Variants in CNTNAP2 observed in about 807,000 individuals in gnomAD.
CNTNAP2 encodes contactin associated protein 2, also known as contactin-associated protein-like 2.
In CNTNAP2, 98 loss-of-function variants were observed where a neutral mutation model predicts 155.2. That is an observed-to-expected ratio of 0.63 (90% confidence interval 0.54 to 0.75). The LOEUF (loss-of-function observed/expected upper bound fraction) is 0.75. CNTNAP2 is among the 30% of genes least tolerant of loss of function. The pLI is 0.00. For synonymous variants in CNTNAP2, 651 were observed against 631.2 expected (o/e 1.03, Z -0.47); for missense variants, 1,727 against 1,688.1 (o/e 1.02, Z -0.40).
chr7:147,863,437 A>G (rs1037206251), intron 13 of CNTNAP2, among the ~76,000 whole-genome samples: 3 of 152,168 alleles, frequency 2.0e-5, no homozygotes, highest in Non-Finnish European at 2.9e-5. Context: ...TCCTTTTGGT[A>G]TATACCCAGT....
chr7:148,303,865 A>G (rs1159470216), intron 21 of CNTNAP2, among the ~76,000 whole-genome samples: 1 of 152,206 alleles, frequency 6.6e-6, no homozygotes, highest in African/African-American at 2.4e-5. Context: ...TCAAGATTAC[A>G]TTAGGAAGGA....
rs377627481 is a variant in CNTNAP2 at position 147,485,973 on chromosome 7, C to G, written c.1709C>G (p.Ser570Trp). ...PNHCEHGGKC[S>W]QTWDSFKCTC... ...CACTGTGAGCATGGTGGAAAGTGCT[C>G]GCAAACATGGGACAGCTTCAAATGC... Residue 570 changes from serine (S) to tryptophan (W), a missense_variant, in exon 11 of 24, where the codon TCG becomes TGG. Physicochemically the swap from Ser to Trp is radical, Grantham distance 177 (BLOSUM62 -3). Coordinates refer to ENST00000361727, the MANE Select transcript of CNTNAP2 (RefSeq NM_014141.6). 15 of 1,613,850 alleles carry G rather than the reference C, an allele frequency of 9.3e-6. No homozygotes were observed. The highest frequency in any genetic ancestry group is 1.3e-5 in the African/African-American group (1 of 74,868).
chr7:147,854,342 T>G (rs1799000389), intron 13 of CNTNAP2, among the ~76,000 whole-genome samples: 1 of 152,172 alleles, frequency 6.6e-6, no homozygotes. Context: ...GATTTAGAAG[T>G]TGATCATTCA....
At chr7:148,257,172 C>T (rs1191909037) in intron 20 of CNTNAP2, among the ~76,000 whole-genome samples, 2 of 152,084 alleles carry the variant, frequency 1.3e-5, no homozygotes, top group South Asian at 2.1e-4. Context: ...CTCCATTCTA[C>T]GAAGATGCCC....
At chr7:146,924,920 C>T (rs1796575071) in intron 3 of CNTNAP2, among the ~76,000 whole-genome samples, 1 of 151,954 alleles carries the variant, frequency 6.6e-6, no homozygotes. Flanking sequence ...ATTGTGATTC[C>T]ATACAGGAAT....
chr7:147,432,703 T>C (rs1056347948), intron 10 of CNTNAP2, among the ~76,000 whole-genome samples: 1 of 152,170 alleles, frequency 6.6e-6, no homozygotes, highest in African/African-American at 2.4e-5. Context: ...TGAAATCATA[T>C]GCTCCTCCTG....
chr7:148,093,410 G>T (rs918077600), intron 15 of CNTNAP2, among the ~76,000 whole-genome samples: 2 of 152,064 alleles, frequency 1.3e-5, no homozygotes, highest in Non-Finnish European at 2.9e-5. Flanking sequence ...CTGATATGAC[G>T]ACTATTGTCA....
chr7:147,319,778 T>A (rs1795312252), intron 9 of CNTNAP2, among the ~76,000 whole-genome samples: 1 of 152,186 alleles, frequency 6.6e-6, no homozygotes. Flanking sequence ...ATTAGGATAG[T>A]CTTCAGCTAT....
chr7:147,321,533 C>T (rs949976554), intron 9 of CNTNAP2, among the ~76,000 whole-genome samples: 1 of 152,196 alleles, frequency 6.6e-6, no homozygotes, highest in African/African-American at 2.4e-5. Context: ...TTCTACTTCA[C>T]AGTAGCTTTA....
chr7:147,015,628 A>G (rs1306770126), intron 3 of CNTNAP2, among the ~76,000 whole-genome samples: 1 of 152,090 alleles, frequency 6.6e-6, no homozygotes, highest in Non-Finnish European at 1.5e-5. Context: ...TTGAGGATAT[A>G]ATGGGATTGA....
intron 10 of CNTNAP2, among the ~76,000 whole-genome samples, chr7:147,406,240 T>A (rs1043928431): frequency 2.0e-5 from 3 of 152,196 alleles, no homozygotes; most frequent in African/African-American, 7.2e-5. Context: ...ATCTGTTACA[T>A]CACATTGTTA....
At chr7:146,939,766 T>G (rs1797007324) in intron 3 of CNTNAP2, among the ~76,000 whole-genome samples, 1 of 152,204 alleles carries the variant, frequency 6.6e-6, no homozygotes, top group Admixed American at 6.5e-5. Flanking sequence ...GAGCAAAGAC[T>G]TAGTGGTTTT....
chr7:146,939,142 C>G (rs1270936182), intron 3 of CNTNAP2, among the ~76,000 whole-genome samples: 2 of 152,076 alleles, frequency 1.3e-5, no homozygotes, highest in East Asian at 3.9e-4. Flanking sequence ...ACATGATCAA[C>G]TGTAAATCTA....
At chr7:147,954,090 G>T (rs999181799) in intron 14 of CNTNAP2, among the ~76,000 whole-genome samples, 3 of 152,154 alleles carry the variant, frequency 2.0e-5, no homozygotes, top group Non-Finnish European at 2.9e-5. Flanking sequence ...AGGGAGATGA[G>T]CAGGAAGACA....
At chr7:148,270,994 G>C (rs1290376401) in intron 21 of CNTNAP2, among the ~76,000 whole-genome samples, 1 of 152,176 alleles carries the variant, frequency 6.6e-6, no homozygotes, top group Non-Finnish European at 1.5e-5. Flanking sequence ...GCTGATCAGT[G>C]CCTAGTATAC....
At chr7:147,292,859 T>A (rs1316304056) in intron 8 of CNTNAP2, among the ~76,000 whole-genome samples, 1 of 152,214 alleles carries the variant, frequency 6.6e-6, no homozygotes, top group Non-Finnish European at 1.5e-5. Context: ...AACCTCTGCC[T>A]CCCTAGTTCA....
intron 8 of CNTNAP2, among the ~76,000 whole-genome samples, chr7:147,213,151 C>T (rs1803194242): frequency 6.6e-6 from 1 of 152,180 alleles, no homozygotes; most frequent in African/African-American, 2.4e-5. Context: ...AAAGCTATTG[C>T]TGTAATTCAG....
intron 1 of CNTNAP2, among the ~76,000 whole-genome samples, chr7:146,660,105 T>C (rs1016985354): frequency 1.3e-5 from 2 of 152,208 alleles, no homozygotes; most frequent in Non-Finnish European, 2.9e-5. Context: ...CTTTCTTTTA[T>C]ATGCAAGAGA....
intron 21 of CNTNAP2, among the ~76,000 whole-genome samples, chr7:148,289,508 G>GT (rs148795960): frequency 0.15 from 22,163 of 151,912 alleles, 1,949 homozygotes; most frequent in African/African-American, 0.23. Flanking sequence ...AACTTACTTG[G>GT]TTTTTTTCAT....
Sources: gnomAD v4.1 joint callset for allele counts (sites outside exome capture counted in the v4.1 genomes callset) on GRCh38, gnomAD v4.1.1 for gene constraint, MANE v1.5 for transcripts, NCBI Gene and HGNC (gene_info 2026-07-23, HGNC 2026-07-21) for gene names.